Variants in PCDHA8 observed in about 807,000 individuals in gnomAD.
PCDHA8 encodes the protein protocadherin alpha 8.
In PCDHA8, 53 loss-of-function variants were observed where a neutral mutation model predicts 61.8. The observed-to-expected ratio is 0.86, with a 90% CI of 0.69 to 1.08. PCDHA8 has a LOEUF of 1.08. Ranked by LOEUF, PCDHA8 falls within the 50% of genes least tolerant of loss-of-function variation. PCDHA8 has a pLI of 0.00. For synonymous variants in PCDHA8, 618 were observed against 556.6 expected (o/e 1.11, Z -1.55); for missense variants, 1,293 against 1,245.0 (o/e 1.04, Z -0.58).
rs782510264 is a variant in PCDHA8, at chr5:140,863,385, G to A, written c.2394+19670G>A. 4 of 1,030,862 alleles carry A rather than the reference G, an allele frequency of 3.9e-6. No homozygotes were observed. In the South Asian group the frequency reaches 4.9e-5, roughly 13 times the overall value. The allele number at this position is 1,030,862 out of a possible 1,614,324, so 63.9% of individuals were successfully genotyped here. ...GCTTGGCGCAGCTCACCGAGAGCTC[G>A]TGCATGCCGGGCAAGCCCACGCTGG... On this transcript the variant is annotated intron_variant, in intron 1 of 3. Transcript: ENST00000531613.
chr5:140,851,102 G>A, intron 1 of PCDHA8: 1 of 1,288,626 alleles, frequency 7.8e-7, no homozygotes, highest in Non-Finnish European at 1.0e-6. Flanking sequence ...ATATTTTTTG[G>A]GTGCTGAATC....
intron 1 of PCDHA8, among the ~76,000 whole-genome samples, chr5:140,950,852 A>G (rs1172997648): frequency 6.6e-6 from 1 of 151,856 alleles, no homozygotes; most frequent in Non-Finnish European, 1.5e-5. Flanking sequence ...CATTTCTTTC[A>G]TATTCTTGTA....
Position 140,857,156 on chromosome 5 carries a change from C to T in PCDHA8, c.2394+13441C>T, listed in dbSNP as rs782492965. The T allele has an allele frequency of 4.4e-5, 71 of 1,598,308 alleles. 2 individuals carry two copies. In the South Asian group the frequency reaches 7.7e-4, roughly 17 times the overall value. On this transcript the variant is annotated intron_variant, in intron 1 of 3. Transcript: ENST00000531613. ...TGCTCAAGTGGGCACCGTCATTGCC[C>T]TAATCAGCGTTTCTGACCATGATTC...
intron 3 of PCDHA8, among the ~76,000 whole-genome samples, chr5:140,987,465 T>C (rs1554249222): frequency 6.6e-6 from 1 of 152,130 alleles, no homozygotes; most frequent in Non-Finnish European, 1.5e-5. Flanking sequence ...TGTTAAGAGC[T>C]CAAGCTTGGG....
intron 1 of PCDHA8, among the ~76,000 whole-genome samples, chr5:140,938,121 A>T (rs981387543): frequency 2.0e-5 from 3 of 151,892 alleles, no homozygotes; most frequent in Admixed American, 6.6e-5. Context: ...CTCTTTTTTT[A>T]AAAAAATAGA....
intron 1 of PCDHA8, chr5:140,882,201 CT>C: frequency 6.5e-7 from 1 of 1,528,460 alleles, no homozygotes; most frequent in South Asian, 1.3e-5. Context: ...AAAATTGGGC[CT>C]TGAGAGACAG....
At chr5:140,898,430 C>G (rs2153460461) in intron 1 of PCDHA8, among the ~76,000 whole-genome samples, 1 of 152,270 alleles carries the variant, frequency 6.6e-6, no homozygotes, top group East Asian at 1.9e-4. Flanking sequence ...TTCCCAGCAC[C>G]ATTTATTAAA....
chr5:140,875,478 G>T, intron 1 of PCDHA8: 4 of 1,610,404 alleles, frequency 2.5e-6, no homozygotes, highest in Non-Finnish European at 3.4e-6. Flanking sequence ...CTGCAATGGT[G>T]ATTATCGGAC....
intron 3 of PCDHA8, among the ~76,000 whole-genome samples, chr5:141,005,934 G>A (rs556608068): frequency 3.4e-4 from 52 of 151,912 alleles, no homozygotes; most frequent in Non-Finnish European, 7.2e-4. Context: ...TTGACAGAGT[G>A]AGAACCTATC....
chr5:140,985,533 G>T (rs2097156708), intron 3 of PCDHA8, among the ~76,000 whole-genome samples: 1 of 152,082 alleles, frequency 6.6e-6, no homozygotes, highest in Admixed American at 6.6e-5. Context: ...AAGCTTCACG[G>T]TGAAGATGCA....
chr5:140,981,881 C>G (rs138571007), intron 2 of PCDHA8, among the ~76,000 whole-genome samples: 1 of 152,158 alleles, frequency 6.6e-6, no homozygotes, highest in Non-Finnish European at 1.5e-5. Context: ...CTGAATTAAT[C>G]TCTTCTGAGC....
intron 1 of PCDHA8, among the ~76,000 whole-genome samples, chr5:140,973,010 T>C (rs2096567986): frequency 6.6e-6 from 1 of 152,080 alleles, no homozygotes; most frequent in Admixed American, 6.6e-5. Context: ...GGTCGTGGTG[T>C]TGTGATTGTT....
chr5:140,969,508 A>C, intron 1 of PCDHA8: 2 of 1,424,370 alleles, frequency 1.4e-6, no homozygotes, highest in South Asian at 1.5e-5. Context: ...GAAAAATAGC[A>C]CTAAAGAATT....
intron 1 of PCDHA8, chr5:140,847,908 G>GA (rs1781243809): frequency 6.7e-6 from 1 of 149,496 alleles, no homozygotes; most frequent in Non-Finnish European, 1.5e-5. Context: ...AGATTTCTGG[G>GA]CTCCTATATT....
chr5:140,856,002 G>A, intron 1 of PCDHA8: 2 of 1,534,758 alleles, frequency 1.3e-6, no homozygotes, highest in African/African-American at 1.4e-5. Context: ...TCGTATGTGC[G>A]TTCTAGACCG....
intron 1 of PCDHA8, among the ~76,000 whole-genome samples, chr5:140,891,033 G>C (rs2062910794): frequency 6.6e-6 from 1 of 151,596 alleles, no homozygotes; most frequent in South Asian, 2.1e-4. Context: ...TATAATCTTA[G>C]GTGTGACCCC....
chr5:141,005,798 C>T (rs1236554438), intron 3 of PCDHA8, among the ~76,000 whole-genome samples: 1 of 143,634 alleles, frequency 7.0e-6, no homozygotes, highest in African/African-American at 2.6e-5. Context: ...GCAAAAACAA[C>T]TCCAAGGAGC....
At chr5:140,985,607 C>T (rs1554247195) in intron 3 of PCDHA8, among the ~76,000 whole-genome samples, 1 of 152,156 alleles carries the variant, frequency 6.6e-6, no homozygotes, top group Non-Finnish European at 1.5e-5. Flanking sequence ...GAGCCCTTTC[C>T]GTGAACCAGC....
intron 1 of PCDHA8, among the ~76,000 whole-genome samples, chr5:140,947,749 T>TC (rs1316656181): frequency 6.6e-6 from 1 of 151,628 alleles, no homozygotes; most frequent in Non-Finnish European, 1.5e-5. Flanking sequence ...TCTTATGTAT[T>TC]TTATGGTTTA....
Sources: gnomAD v4.1 joint callset for allele counts (sites outside exome capture counted in the v4.1 genomes callset) on GRCh38, gnomAD v4.1.1 for gene constraint, MANE v1.5 for transcripts, NCBI Gene and HGNC (gene_info 2026-07-23, HGNC 2026-07-21) for gene names.